ENOX2: variants seen among roughly 807,000 people sequenced by gnomAD.
The protein encoded by ENOX2 is APK1 antigen.
A neutral mutation model predicts 45.0 loss-of-function variants in ENOX2; 36 were observed. The ratio of observed to expected loss-of-function variants is 0.80; its 90% CI spans 0.61 to 1.06. The LOEUF (loss-of-function observed/expected upper bound fraction) is 1.06, where lower values mean the gene tolerates loss of function less well. ENOX2 is among the 50% of genes least tolerant of loss of function. The probability of loss-of-function intolerance (pLI) is 0.00; values close to 1 mark genes in which losing one functional copy is unlikely to be tolerated. For missense variants in ENOX2, 423 were observed against 462.5 expected, an observed-to-expected ratio of 0.91 and a Z score of 0.78; for synonymous variants, 174 against 152.3, an observed-to-expected ratio of 1.14 and a Z score of -1.05.
intron 2 of ENOX2, among the ~76,000 whole-genome samples, chrX:130,898,503 T>A (rs746183341): frequency 9.0e-6 from 1 of 110,563 alleles, no homozygotes; most frequent in Non-Finnish European, 1.9e-5. Flanking sequence ...CGTGTGTGTG[T>A]GCGTGTGTGT....
At chrX:130,833,430 A>G (rs181132143) in intron 2 of ENOX2, among the ~76,000 whole-genome samples, 362 of 111,050 alleles carry the variant, frequency 3.3e-3, no homozygotes, top group African/African-American at 0.011. Context: ...AGCTGGCATG[A>G]CGAGCCCACA....
chrX:130,742,484 G>C (rs1198293612), intron 3 of ENOX2, among the ~76,000 whole-genome samples: 2 of 109,806 alleles, frequency 1.8e-5, no homozygotes, highest in Admixed American at 1.9e-4. Flanking sequence ...ACTTGACCAT[G>C]TCATGCTCAA....
At chrX:130,700,478 A>C (rs2037870791) in intron 4 of ENOX2, among the ~76,000 whole-genome samples, 1 of 112,043 alleles carries the variant, frequency 8.9e-6, no homozygotes. Flanking sequence ...CAATGGTAGA[A>C]ATTAAAAATA....
chrX:130,825,982 G>C (rs1480384324), intron 2 of ENOX2, among the ~76,000 whole-genome samples: 1 of 110,623 alleles, frequency 9.0e-6, no homozygotes, highest in Non-Finnish European at 1.9e-5. Context: ...TATATATTAA[G>C]CTTTATCATA....
intron 3 of ENOX2, among the ~76,000 whole-genome samples, chrX:130,718,276 C>T (rs758378235): frequency 1.8e-5 from 2 of 112,055 alleles, no homozygotes; most frequent in East Asian, 5.6e-4. Context: ...GGCCCTAATT[C>T]GTTTACCCAG....
chrX:130,830,295 C>G (rs185919536), intron 2 of ENOX2, among the ~76,000 whole-genome samples: 1 of 111,742 alleles, frequency 8.9e-6, no homozygotes, highest in East Asian at 2.8e-4. Flanking sequence ...GCACTCATCT[C>G]TGCTCAACAA....
chrX:130,656,010 G>A (rs745556954), intron 10 of ENOX2, among the ~76,000 whole-genome samples: 1 of 111,688 alleles, frequency 9.0e-6, no homozygotes, highest in South Asian at 3.8e-4. Flanking sequence ...GTCCCTCCTA[G>A]GTCAAGAAGG....
In ENOX2 at chrX:130,786,371, C is replaced by A. The variant is rs182343362; in HGVS notation, c.-182-2681G>T. ...GGGATTAGGAGGTTCTGATTAATGA[C>A]GGTGAAACAGAAAAACTTTTTTTTT... On this transcript the variant is annotated intron_variant, in intron 2 of 14. Transcript: ENST00000394363. 3.9e-3 allele frequency among the ~76,000 whole-genome samples: 427 copies of A among 110,873 alleles called. 2 individuals carry two copies. Among genetic ancestry groups the A allele is most frequent in the African/African-American group, 0.014 (412 of 30,397 alleles).
intron 2 of ENOX2, among the ~76,000 whole-genome samples, chrX:130,865,758 T>C (rs2078484644): frequency 9.0e-6 from 1 of 111,634 alleles, no homozygotes; most frequent in Middle Eastern, 4.6e-3. Flanking sequence ...TGAAACTATG[T>C]CTTCCATTGG....
At chrX:130,798,213 C>T (rs1045459078) in intron 2 of ENOX2, among the ~76,000 whole-genome samples, 24 of 111,286 alleles carry the variant, frequency 2.2e-4, no homozygotes, top group Non-Finnish European at 2.3e-4. Context: ...TCCAGGACTT[C>T]CAGACTGGCC....
intron 7 of ENOX2, among the ~76,000 whole-genome samples, chrX:130,668,740 G>A (rs2036904113): frequency 8.9e-6 from 1 of 112,199 alleles, no homozygotes; most frequent in Non-Finnish European, 1.9e-5. Context: ...TTTCAGTGCA[G>A]ACATATAACA....
intron 2 of ENOX2, among the ~76,000 whole-genome samples, chrX:130,837,160 C>A (rs1177900873): frequency 8.9e-6 from 1 of 112,208 alleles, no homozygotes; most frequent in African/African-American, 3.2e-5. Context: ...GAAACCAGAA[C>A]CTTACAGACT....
At chrX:130,888,459 T>C (rs946467359) in intron 2 of ENOX2, among the ~76,000 whole-genome samples, 3 of 112,158 alleles carry the variant, frequency 2.7e-5, no homozygotes, top group Non-Finnish European at 3.8e-5. Context: ...GCCAAGTCAC[T>C]TAACTTCTTT....
intron 2 of ENOX2, among the ~76,000 whole-genome samples, chrX:130,895,961 T>C (rs1250630466): frequency 8.9e-6 from 1 of 112,790 alleles, no homozygotes; most frequent in African/African-American, 3.2e-5. Context: ...TTGGGCTGTT[T>C]TAAACAAATA....
intron 2 of ENOX2, among the ~76,000 whole-genome samples, chrX:130,825,207 A>C (rs2077696315): frequency 8.9e-6 from 1 of 112,069 alleles, no homozygotes; most frequent in Non-Finnish European, 1.9e-5. Context: ...TATGTATAGT[A>C]ATATAGATAA....
At chrX:130,648,097 G>T (rs1432653424) in intron 10 of ENOX2, among the ~76,000 whole-genome samples, 1 of 111,941 alleles carries the variant, frequency 8.9e-6, no homozygotes, top group Non-Finnish European at 1.9e-5. Flanking sequence ...ATTTGACAAA[G>T]ATATGAATTT....
At chrX:130,840,037 C>T (rs1366250256) in intron 2 of ENOX2, among the ~76,000 whole-genome samples, 4 of 110,999 alleles carry the variant, frequency 3.6e-5, no homozygotes, top group Non-Finnish European at 5.7e-5. Flanking sequence ...TTCATCCTAC[C>T]TCTGTCTCTC....
intron 3 of ENOX2, among the ~76,000 whole-genome samples, chrX:130,723,864 A>G (rs925255951): frequency 9.0e-6 from 1 of 111,690 alleles, no homozygotes; most frequent in Non-Finnish European, 1.9e-5. Context: ...ACCTTGTATT[A>G]ATAGCTAACC....
chrX:130,673,841 A>G (rs1397357166), intron 6 of ENOX2, among the ~76,000 whole-genome samples: 1 of 112,216 alleles, frequency 8.9e-6, no homozygotes, highest in African/African-American at 3.2e-5. Context: ...GAACACCTGG[A>G]AGATATTTTG....
Sources: allele counts gnomAD v4.1 joint callset (sites outside exome capture counted in the v4.1 genomes callset), GRCh38; gene constraint gnomAD v4.1.1; transcripts MANE v1.5; gene names NCBI Gene and HGNC (gene_info 2026-07-23, HGNC 2026-07-21).